The following APH1B variants were observed in gnomAD, a reference collection of about 807,000 sequenced individuals.
APH1B encodes gamma-secretase subunit APH-1B.
APH1B carries 27 observed loss-of-function variants against 28.2 expected under a neutral mutation model. The ratio of observed to expected loss-of-function variants is 0.96; its 90% CI spans 0.70 to 1.32. The LOEUF (loss-of-function observed/expected upper bound fraction) is 1.32. APH1B is among the 40% of genes most tolerant of loss of function. The probability of loss-of-function intolerance (pLI) is 0.00; values close to 1 mark genes in which losing one functional copy is unlikely to be tolerated. For synonymous variants in APH1B, 141 were observed against 124.6 expected (o/e 1.13, Z -0.88); for missense variants, 305 against 313.6 (o/e 0.97, Z 0.21).
At chr15:63,277,789 G>A in intron 1 of APH1B, 53 bp downstream of exon 1, 2 of 1,551,638 alleles carry the variant, frequency 1.3e-6, no homozygotes, top group South Asian at 2.3e-5. Flanking sequence ...TCCCCCGCTG[G>A]GGTTACCCGC....
At chr15:63,288,336 G>A (rs2038469080) in intron 4 of APH1B, among the ~76,000 whole-genome samples, 1 of 152,114 alleles carries the variant, frequency 6.6e-6, no homozygotes. Context: ...GGTAATAATG[G>A]AAAAGATATA....
chr15:63,297,779 G>T (rs1246869407), intron 4 of APH1B, among the ~76,000 whole-genome samples: 1 of 152,140 alleles, frequency 6.6e-6, no homozygotes, highest in Non-Finnish European at 1.5e-5. Flanking sequence ...CAGATATCCG[G>T]GTCTGTTTCT....
chr15:63,279,241 G>C lies in APH1B; in HGVS notation c.194G>C (p.Gly65Ala). The C allele has an allele frequency of 6.2e-7, 1 of 1,613,058 alleles. No individual in the cohort carries two copies. Among genetic ancestry groups the C allele is most frequent in the Non-Finnish European group, 8.5e-7 (1 of 1,179,320 alleles). ...MARVIIDNKD[G>A]PTQKYLLIFG... is the part of the protein sequence containing the mutation. Reference sequence around the variant, plus strand: ...AGAGTCATTATTGACAACAAAGATGGACCAACACAGAAATATCTGCTGATC... The same window carrying C: ...AGAGTCATTATTGACAACAAAGATGCACCAACACAGAAATATCTGCTGATC... Residue 65 changes from glycine (G) to alanine (A), a missense_variant, in exon 2 of 6, where the codon GGA (glycine) becomes GCA (alanine). Coordinates refer to ENST00000261879, the MANE Select transcript of APH1B (RefSeq NM_031301.4).
chr15:63,285,711 A>ATCC (rs576744346), intron 2 of APH1B, among the ~76,000 whole-genome samples: 1 of 152,288 alleles, frequency 6.6e-6, no homozygotes, highest in South Asian at 2.1e-4. Flanking sequence ...GATGCAAGTG[A>ATCC]TCCTCCTGCC....
intron 1 of APH1B, among the ~76,000 whole-genome samples, chr15:63,278,095 G>A (rs1346662042): frequency 6.6e-6 from 1 of 152,112 alleles, no homozygotes; most frequent in Non-Finnish European, 1.5e-5. Context: ...ATCCCCAAAG[G>A]GTTAAAAACC....
intron 2 of APH1B, among the ~76,000 whole-genome samples, chr15:63,283,279 A>T (rs1367593282): frequency 6.6e-6 from 1 of 152,232 alleles, no homozygotes; most frequent in East Asian, 1.9e-4. Flanking sequence ...CCCAGGCTAG[A>T]GTGCAGTGGC....
At chr15:63,305,162 A>T (rs544179857) in intron 5 of APH1B, among the ~76,000 whole-genome samples, 1 of 152,346 alleles carries the variant, frequency 6.6e-6, no homozygotes, top group East Asian at 1.9e-4. Flanking sequence ...GCATTCCATT[A>T]GTGTTCTTTA....
intron 5 of APH1B, among the ~76,000 whole-genome samples, chr15:63,303,383 C>G (rs1179791059): frequency 6.6e-6 from 1 of 152,204 alleles, no homozygotes; most frequent in Non-Finnish European, 1.5e-5. Flanking sequence ...TCCTATTGCT[C>G]AGCATGTTTG....
chr15:63,283,260 G>A (rs1453138849), intron 2 of APH1B, among the ~76,000 whole-genome samples: 4 of 152,056 alleles, frequency 2.6e-5, no homozygotes, highest in African/African-American at 7.2e-5. Context: ...ACACAGTCTC[G>A]CTCTGTCACC....
chr15:63,295,279 C>T (rs1455107344), intron 4 of APH1B, among the ~76,000 whole-genome samples: 4 of 152,190 alleles, frequency 2.6e-5, no homozygotes, highest in African/African-American at 4.8e-5. Context: ...AATAGAATCC[C>T]GAGAACCTGT....
intron 2 of APH1B, among the ~76,000 whole-genome samples, chr15:63,282,886 A>G (rs943845910): frequency 2.6e-5 from 4 of 152,194 alleles, no homozygotes; most frequent in African/African-American, 9.7e-5. Flanking sequence ...TCACACACAC[A>G]TTCGAAAAAG....
intron 2 of APH1B, among the ~76,000 whole-genome samples, chr15:63,281,274 C>T (rs1240292277): frequency 6.6e-6 from 1 of 152,132 alleles, no homozygotes; most frequent in African/African-American, 2.4e-5. Flanking sequence ...TTCACCTGGA[C>T]CTCAACAGGC....
intron 4 of APH1B, among the ~76,000 whole-genome samples, chr15:63,297,895 A>G (rs990953257): frequency 1.3e-5 from 2 of 152,186 alleles, no homozygotes; most frequent in Non-Finnish European, 2.9e-5. Flanking sequence ...AGCCACCCGG[A>G]AACGAGAGCT....
intron 4 of APH1B, among the ~76,000 whole-genome samples, chr15:63,289,878 C>T (rs2038486235): frequency 6.6e-6 from 1 of 152,128 alleles, no homozygotes; most frequent in Admixed American, 6.5e-5. Context: ...GTGGTGCCCA[C>T]CCATGGTCCC....
At chr15:63,283,140 C>T (rs1451001708) in intron 2 of APH1B, among the ~76,000 whole-genome samples, 1 of 152,098 alleles carries the variant, frequency 6.6e-6, no homozygotes, top group East Asian at 1.9e-4. Context: ...ACTTCCATAA[C>T]GTAGAATTAG....
At chr15:63,277,891 A>T (rs955539949) in intron 1 of APH1B, 155 bp downstream of exon 1, 68 of 721,942 alleles carry the variant, frequency 9.4e-5, no homozygotes, top group Non-Finnish European at 1.2e-4. Context: ...CGGCTCCCCA[A>T]AGGCGCCTCG....
chr15:63,305,133 G>A (rs191386513), intron 5 of APH1B, among the ~76,000 whole-genome samples: 36 of 152,322 alleles, frequency 2.4e-4, no homozygotes, highest in Admixed American at 2.0e-3. Flanking sequence ...TCTCACCAAG[G>A]TGTACACAGT....
intron 4 of APH1B, among the ~76,000 whole-genome samples, chr15:63,297,314 C>T (rs978592074): frequency 1.3e-5 from 2 of 152,054 alleles, no homozygotes. Flanking sequence ...TGCCTGAACT[C>T]CCAGGAGTTT....
intron 5 of APH1B, among the ~76,000 whole-genome samples, chr15:63,303,874 A>AACACAC (rs113837395): frequency 0.17 from 25,060 of 145,528 alleles, 2,344 homozygotes; most frequent in Admixed American, 0.25. Flanking sequence ...ACACACACAC[A>AACACAC]ACACACACAC....
Sources: gnomAD v4.1 joint callset for allele counts (sites outside exome capture counted in the v4.1 genomes callset) on GRCh38, gnomAD v4.1.1 for gene constraint, MANE v1.5 for transcripts, NCBI Gene and HGNC (gene_info 2026-07-23, HGNC 2026-07-21) for gene names.